Variants in SMAD7 observed in about 807,000 individuals in gnomAD.
The protein encoded by SMAD7 is MAD (mothers against decapentaplegic, Drosophila) homolog 7.
A neutral mutation model predicts 38.7 loss-of-function variants in SMAD7; 8 were observed. The ratio of observed to expected loss-of-function variants is 0.21; its 90% CI spans 0.12 to 0.37. The LOEUF is 0.37. SMAD7 is among the 10% of genes least tolerant of loss of function. SMAD7 has a pLI of 1.00. For missense variants in SMAD7, 477 were observed against 577.9 expected, an observed-to-expected ratio of 0.83 and a Z score of 1.79; for synonymous variants, 327 against 265.1, an observed-to-expected ratio of 1.23 and a Z score of -2.27.
chr18:48,945,779 C>G (rs532119595), intron 2 of SMAD7, among the ~76,000 whole-genome samples: 79 of 152,304 alleles, frequency 5.2e-4, no homozygotes, highest in African/African-American at 1.8e-3. Context: ...TTCCTCAAAC[C>G]TTTCAGACCA....
chr18:48,928,454 TTTTC>T (rs910446904), intron 3 of SMAD7, among the ~76,000 whole-genome samples: 38 of 150,780 alleles, frequency 2.5e-4, no homozygotes, highest in African/African-American at 9.0e-4. Flanking sequence ...CAACTTTTTT[TTTTC>T]TTTAATTTCA....
chr18:48,927,623 T>C (rs550066035), intron 3 of SMAD7, among the ~76,000 whole-genome samples: 41 of 152,358 alleles, frequency 2.7e-4, no homozygotes, highest in Non-Finnish European at 4.9e-4. Flanking sequence ...ATAAGGTTGC[T>C]GTACCAATTT....
At chr18:48,926,278 G>C (rs1481845279) in intron 3 of SMAD7, among the ~76,000 whole-genome samples, 1 of 152,172 alleles carries the variant, frequency 6.6e-6, no homozygotes, top group Non-Finnish European at 1.5e-5. Flanking sequence ...ACGTACTTGT[G>C]GGGAGGGGGT....
Position 48,921,267 on chromosome 18 carries a change from C to A in SMAD7, c.*105G>T. The A allele has an allele frequency of 1.9e-6, 2 of 1,026,424 alleles. No homozygotes were observed. Among genetic ancestry groups the A allele is most frequent in the South Asian group, 1.7e-5 (1 of 58,386 alleles). The allele number at this position is 1,026,424 out of a possible 1,614,324, so 63.6% of individuals were successfully genotyped here. A position where few individuals can be genotyped will look rare whatever the true frequency, so the allele number is the denominator to read the frequency against. Reference sequence around the variant, plus strand: ...CAACCAACAAACAAAAAAAAAACGACCAAAGAGTTTGCATGAAAAGCAAGC... The same window carrying A: ...CAACCAACAAACAAAAAAAAAACGAACAAAGAGTTTGCATGAAAAGCAAGC... On this transcript the variant is annotated 3_prime_UTR_variant, in exon 4 of 4. Coordinates refer to ENST00000262158, the MANE Select transcript of SMAD7 (RefSeq NM_005904.4). This position sits in a 1 kb window ranked among gnomAD's most constrained non-coding sequence, Gnocchi z 6.4.
intron 3 of SMAD7, 96 bp downstream of exon 3, chr18:48,942,385 C>T: frequency 1.3e-6 from 1 of 783,086 alleles, no homozygotes; most frequent in Non-Finnish European, 2.1e-6. Context: ...GAAGTCCAGA[C>T]CAGCTGGGGT....
rs569946708 is a variant in SMAD7 at position 48,944,583 on chromosome 18, C to T, written c.668-2028G>A. 5.3e-5 allele frequency among the ~76,000 whole-genome samples: 8 copies of T among 152,352 alleles called. No individual in the cohort carries two copies. In the East Asian group the frequency reaches 1.2e-3, roughly 22 times the overall value. ...TCACTGACTAGCTCAAAGGGCCACCCAGTGAGCTGGGCTATTCCCAAGAGT... is the reference window on the plus strand; with the variant it reads ...TCACTGACTAGCTCAAAGGGCCACCTAGTGAGCTGGGCTATTCCCAAGAGT... On this transcript the variant is annotated intron_variant, in intron 2 of 3. Coordinates refer to ENST00000262158, the MANE Select transcript of SMAD7 (RefSeq NM_005904.4).
chr18:48,945,569 G>A (rs753251961), intron 2 of SMAD7, among the ~76,000 whole-genome samples: 2 of 152,176 alleles, frequency 1.3e-5, no homozygotes, highest in Non-Finnish European at 2.9e-5. Context: ...ATGAATGAAT[G>A]ACCTAATCTC....
At position 48,950,458 on chromosome 18, in the gene SMAD7, C is replaced by T. The variant is rs768986962; in HGVS notation, c.-34G>A. On this transcript the variant is annotated 5_prime_UTR_variant, in exon 1 of 4. Transcript: ENST00000262158. ...AGGAGGCGAGGAGAAAAGTCGTTTG[C>T]CTGCTAAGGAGCGAACATGACCTCC... 2.3e-5 allele frequency: 36 copies of T among 1,535,422 alleles called. No individual in the cohort carries two copies. The highest frequency in any genetic ancestry group is 4.0e-5 in the Admixed American group (2 of 50,332).
At chr18:48,926,037 C>G (rs1239927906) in intron 3 of SMAD7, among the ~76,000 whole-genome samples, 2 of 152,364 alleles carry the variant, frequency 1.3e-5, no homozygotes, top group Admixed American at 6.5e-5. Context: ...TGAGCCGCCG[C>G]ACCCAGACCC....
Position 48,921,274 on chromosome 18 carries a change from G to C in SMAD7, c.*98C>G. On this transcript the variant is annotated 3_prime_UTR_variant, in exon 4 of 4. Transcript: ENST00000262158. The surrounding 1 kb of genome is among the most constrained non-coding windows in gnomAD (Gnocchi z 6.4). ...CAAACAAAAAAAAAACGACCAAAGA[G>C]TTTGCATGAAAAGCAAGCACTCAGG... The C allele has an allele frequency of 9.2e-7, 1 of 1,083,508 alleles. No individual in the cohort carries two copies. The highest frequency in any genetic ancestry group is 1.3e-6 in the Non-Finnish European group (1 of 759,772). 67.1% of individuals were successfully genotyped at this position (1,083,508 alleles called of 1,614,324 possible).
Position 48,949,901 on chromosome 18 carries a change from T to C in SMAD7, c.524A>G (p.Lys175Arg). The C allele has an allele frequency of 6.2e-7, 1 of 1,613,750 alleles. No individual in the cohort carries two copies. Among genetic ancestry groups the C allele is most frequent in the Non-Finnish European group, 8.5e-7 (1 of 1,179,896 alleles). ...GTAAGATTCACAGCAACACAGCCTC[T>C]TGACTTCCGAGGAATGCCTGAGATC... ...WPDLRHSSEV[K>R]RLCCCESYGK... Residue 175 changes from lysine (K) to arginine (R), a missense_variant, in exon 1 of 4, where the codon AAG becomes AGG. Around this residue, in one of 2 missense-constraint regions of SMAD7, gnomAD observed 376 missense variants for 379.4 expected, o/e 0.99. Transcript: ENST00000262158.
At chr18:48,933,047 C>T (rs1042396494) in intron 3 of SMAD7, among the ~76,000 whole-genome samples, 2 of 152,182 alleles carry the variant, frequency 1.3e-5, no homozygotes, top group African/African-American at 4.8e-5. Flanking sequence ...ATTATAACCA[C>T]AGCTCCTGTT....
intron 1 of SMAD7, 111 bp from the exon 2 acceptor site, chr18:48,948,548 G>C: frequency 1.4e-6 from 1 of 726,848 alleles, no homozygotes; most frequent in East Asian, 3.2e-5. Flanking sequence ...AGCTGTGGGG[G>C]TTGGAGGCAG....
chr18:48,930,700 G>A (rs772815121), intron 3 of SMAD7, among the ~76,000 whole-genome samples: 13 of 129,748 alleles, frequency 1.0e-4, no homozygotes, highest in South Asian at 2.7e-4. Flanking sequence ...CTCCCCCACC[G>A]CATGCGATCG....
At position 48,950,562 on chromosome 18, in the gene SMAD7, A is replaced by G; in HGVS notation, c.-138T>C. The stretch of plus-strand genomic sequence containing the variant: ...CAGCAGCAGCAGGGGCCCGGGCAGG[A>G]GCGGCGGCGGCCCGAGGGGCGCTCC... On this transcript the variant is annotated 5_prime_UTR_variant, in exon 1 of 4. Transcript: ENST00000262158. 3.8e-6 allele frequency: 3 copies of G among 786,062 alleles called. No homozygotes were observed. Among genetic ancestry groups the G allele is most frequent in the Non-Finnish European group, 5.4e-6 (3 of 557,466 alleles). 48.7% of individuals were successfully genotyped at this position (786,062 alleles called of 1,614,324 possible).
Position 48,950,403 on chromosome 18 carries a change from C to G in SMAD7, c.22G>C (p.Ala8Pro). 1 of 1,551,308 alleles carries G rather than the reference C, an allele frequency of 6.4e-7. No homozygotes were observed. The highest frequency in any genetic ancestry group is 8.7e-7 in the Non-Finnish European group (1 of 1,150,266). Residue 8 changes from alanine to proline, a missense_variant, in exon 1 of 4, where the codon GCG becomes CCG. Physicochemically the swap from Ala to Pro is conservative, Grantham distance 27 (BLOSUM62 -1). This residue lies in a region of SMAD7 where 376 missense variants were observed against 379.4 expected (regional missense o/e 0.99). Transcript: ENST00000262158. MFRTKRS[A>P]LVRRLWRSRA... ...CTCCTCCAGAGACGCCGGACGAGCG[C>G]AGATCGTTTGGTCCTGAACATGCGG...
intron 3 of SMAD7, among the ~76,000 whole-genome samples, chr18:48,939,341 G>GC (rs928859890): frequency 1.3e-5 from 2 of 151,904 alleles, no homozygotes; most frequent in African/African-American, 4.8e-5. Context: ...GTGTTTCACT[G>GC]CAAGTCCCTA....
chr18:48,931,964 C>T (rs577889047), intron 3 of SMAD7, among the ~76,000 whole-genome samples: 2 of 126,290 alleles, frequency 1.6e-5, no homozygotes, highest in East Asian at 2.1e-4. Flanking sequence ...ATCCTGGGCT[C>T]TTCCCCAGAA....
At position 48,921,435 on chromosome 18, in the gene SMAD7, G is replaced by A; in HGVS notation, c.1218C>T (p.Cys406=). 3 of 1,613,588 alleles carry A rather than the reference G, an allele frequency of 1.9e-6. No homozygotes were observed. Among genetic ancestry groups the A allele is most frequent in the Middle Eastern group, 1.7e-4 (1 of 6,058 alleles). ...AGCTGCTGATGAACTGGCGGGTGTA[G>A]CACTGGCCCCAGCCCTTCACAAAGC... ...QISFVKGWGQ[C]YTRQFISSCP... is the part of the protein sequence containing the mutation. The change falls in exon 4 of 4, where the codon TGC becomes TGT. Residue 406 remains cysteine, a synonymous_variant. Coordinates refer to ENST00000262158, the MANE Select transcript of SMAD7 (RefSeq NM_005904.4). This position sits in a 1 kb window ranked among gnomAD's most constrained non-coding sequence, Gnocchi z 6.4.
Sources: allele counts gnomAD v4.1 joint callset (sites outside exome capture counted in the v4.1 genomes callset), GRCh38; gene constraint gnomAD v4.1.1; regional missense constraint gnomAD v4.1.1; non-coding constraint Gnocchi (gnomAD v3.1); transcripts MANE v1.5; gene names NCBI Gene and HGNC (gene_info 2026-07-23, HGNC 2026-07-21).